Variants in ARFGAP3 observed in about 807,000 individuals in gnomAD.
ARFGAP3 encodes the protein ARF GTPase activating protein 3.
Under a neutral mutation model 75.0 loss-of-function variants are expected in ARFGAP3, and 72 were observed. The observed-to-expected ratio is 0.96, with a 90% confidence interval of 0.79 to 1.17. The LOEUF (loss-of-function observed/expected upper bound fraction) is 1.17. Ranked by LOEUF, ARFGAP3 falls within the 50% of genes most tolerant of loss-of-function variation. The pLI is 0.00. For synonymous variants in ARFGAP3, 221 were observed against 217.9 expected, an observed-to-expected ratio of 1.01 and a Z score of -0.13; for missense variants, 620 against 626.6, an observed-to-expected ratio of 0.99 and a Z score of 0.11.
rs141754146 is a variant in ARFGAP3, at chr22:42,810,755, A to T, written c.1196+58T>A. ...TTTTCATGTCATCATGTTATCAGCA[A>T]TTTTTTCCCAGAAATGCATGGATTC... On this transcript the variant is annotated intron_variant, in intron 12 of 15. Transcript: ENST00000263245. 9,387 of 1,498,892 alleles carry T rather than the reference A, an allele frequency of 6.3e-3. 44 individuals are homozygous for T. The highest frequency in any genetic ancestry group is 7.7e-3 in the Non-Finnish European group (8,398 of 1,089,506). 92.8% of individuals were successfully genotyped at this position (1,498,892 alleles called of 1,614,324 possible).
At chr22:42,844,954 C>T (rs1926947397) in intron 2 of ARFGAP3, among the ~76,000 whole-genome samples, 2 of 152,140 alleles carry the variant, frequency 1.3e-5, no homozygotes, top group South Asian at 4.1e-4. Flanking sequence ...CCAAACAGAT[C>T]CTGCTGTACT....
chr22:42,837,048 T>C (rs904512685), intron 3 of ARFGAP3, among the ~76,000 whole-genome samples: 23 of 152,004 alleles, frequency 1.5e-4, no homozygotes, highest in African/African-American at 5.6e-4. Context: ...CTTTCTGGAG[T>C]TTGGAGGGTG....
intron 14 of ARFGAP3, among the ~76,000 whole-genome samples, chr22:42,805,996 A>G (rs903524779): frequency 6.6e-6 from 1 of 152,202 alleles, no homozygotes; most frequent in Non-Finnish European, 1.5e-5. Flanking sequence ...ACCACAACCC[A>G]GAATGTCCGA....
In ARFGAP3 at chr22:42,835,526, G is replaced by A. The variant is rs150744574; in HGVS notation, c.262-33C>T. The A allele has an allele frequency of 8.1e-6, 13 of 1,609,066 alleles. 1 individual carries two copies. The highest frequency in any genetic ancestry group is 7.7e-5 in the South Asian group (7 of 90,864). Reference sequence around the variant, plus strand: ...GAAAAGCATGCACATTAATATTTTCGTAAAACTACGTATGGCCAGGCGCAG... The same window carrying A: ...GAAAAGCATGCACATTAATATTTTCATAAAACTACGTATGGCCAGGCGCAG... On this transcript the variant is annotated intron_variant, in intron 3 of 15. Coordinates refer to ENST00000263245, the MANE Select transcript of ARFGAP3 (RefSeq NM_014570.5).
chr22:42,834,142 G>A, intron 5 of ARFGAP3, 100 bp downstream of exon 5: 1 of 1,106,300 alleles, frequency 9.0e-7, no homozygotes, highest in Non-Finnish European at 1.3e-6. Flanking sequence ...AGCACTTCTT[G>A]TTACAAGAGC....
Position 42,831,228 on chromosome 22 carries a change from A to C in ARFGAP3, c.565+321T>G, listed in dbSNP as rs545718872. Among the ~76,000 whole-genome samples, 20 of 149,226 alleles carry C rather than the reference A, an allele frequency of 1.3e-4. No individual in the cohort carries two copies. The East Asian group carries it at 3.3e-3, about 25-fold the overall frequency. The stretch of plus-strand genomic sequence containing the variant: ...CTTGAACCCAGGAGGCGGAGGTTGC[A>C]GTGAGCCGAGATCACACCATCGCAC... On this transcript the variant is annotated intron_variant, in intron 6 of 15. Transcript: ENST00000263245.
At chr22:42,851,160 T>C (rs1225269246) in intron 1 of ARFGAP3, among the ~76,000 whole-genome samples, 1 of 152,182 alleles carries the variant, frequency 6.6e-6, no homozygotes, top group Non-Finnish European at 1.5e-5. Context: ...CATACCAGCG[T>C]GGTTCAGGAA....
Position 42,810,697 on chromosome 22 carries a change from G to T in ARFGAP3, c.1196+116C>A, listed in dbSNP as rs1925327632. ...GCCTCTTAAAGTGCTGGGATTATGG[G>T]AATGAGCCGCCGTGCCCAGCCCCTT... On this transcript the variant is annotated intron_variant, in intron 12 of 15. Coordinates refer to ENST00000263245, the MANE Select transcript of ARFGAP3 (RefSeq NM_014570.5). 8 of 857,186 alleles carry T rather than the reference G, an allele frequency of 9.3e-6. No homozygotes were observed. The South Asian group carries it at 1.3e-4, about 14-fold the overall frequency. The allele number at this position is 857,186 out of a possible 1,614,324, so 53.1% of individuals were successfully genotyped here. A position where few individuals can be genotyped will look rare whatever the true frequency, so the allele number is the denominator to read the frequency against.
At chr22:42,820,280 A>C (rs1925754900) in intron 9 of ARFGAP3, among the ~76,000 whole-genome samples, 1 of 152,232 alleles carries the variant, frequency 6.6e-6, no homozygotes, top group East Asian at 1.9e-4. Context: ...TTAGTAAGAG[A>C]AATTAAAGTC....
chr22:42,822,143 T>TA (rs1422872353), intron 9 of ARFGAP3, 127 bp downstream of exon 9: 1 of 781,266 alleles, frequency 1.3e-6, no homozygotes, highest in African/African-American at 1.8e-5. Flanking sequence ...TCAGTTTTCA[T>TA]AAAACTGAAT....
intron 2 of ARFGAP3, among the ~76,000 whole-genome samples, chr22:42,843,818 A>G (rs527792620): frequency 6.6e-6 from 1 of 152,316 alleles, no homozygotes; most frequent in African/African-American, 2.4e-5. Context: ...GCAGCCTGAA[A>G]CATGGAGATC....
chr22:42,825,025 C>T (rs1057294671), intron 7 of ARFGAP3, among the ~76,000 whole-genome samples: 4 of 152,334 alleles, frequency 2.6e-5, no homozygotes, highest in Middle Eastern at 6.8e-3. Context: ...TTCTTTTTTA[C>T]GGCTGCATAA....
chr22:42,842,304 CTTTTTT>C (rs58205841), intron 2 of ARFGAP3, among the ~76,000 whole-genome samples: 9 of 120,354 alleles, frequency 7.5e-5, no homozygotes, highest in East Asian at 2.5e-4. Context: ...CGTGCCTGGC[CTTTTTT>C]TTTTTTTTTT....
intron 1 of ARFGAP3, among the ~76,000 whole-genome samples, chr22:42,850,159 C>A (rs1006053861): frequency 3.3e-5 from 5 of 151,984 alleles, no homozygotes; most frequent in Non-Finnish European, 7.4e-5. Context: ...GTGCTGGGCC[C>A]ATAAAATACA....
intron 6 of ARFGAP3, among the ~76,000 whole-genome samples, chr22:42,830,135 T>C (rs1926220510): frequency 6.6e-6 from 1 of 152,192 alleles, no homozygotes; most frequent in Non-Finnish European, 1.5e-5. Context: ...CTTATTTTTT[T>C]TAGAGTCCGG....
At position 42,810,850 on chromosome 22, in the gene ARFGAP3, T is replaced by C; in HGVS notation, c.1159A>G (p.Thr387Ala). The change falls in exon 12 of 16, where the codon ACT becomes GCT. Residue 387 changes from threonine to alanine, a missense_variant. Transcript: ENST00000263245. ...SYWKKETSKD[T>A]ETVLKTTGYS... Reference sequence around the variant, plus strand: ...CCTGTGGTTTTCAGAACTGTTTCAGTATCTTTGCTGGTCTCTTTTTTCCAA... The same window carrying C: ...CCTGTGGTTTTCAGAACTGTTTCAGCATCTTTGCTGGTCTCTTTTTTCCAA... The C allele has an allele frequency of 6.2e-7, 1 of 1,614,264 alleles. No individual in the cohort carries two copies. The highest frequency in any genetic ancestry group is 8.5e-7 in the Non-Finnish European group (1 of 1,180,050).
chr22:42,828,014 G>A (rs1926116786), intron 6 of ARFGAP3, among the ~76,000 whole-genome samples: 1 of 152,164 alleles, frequency 6.6e-6, no homozygotes, highest in Non-Finnish European at 1.5e-5. Context: ...TGGGCTTGTG[G>A]TGGCTTATGC....
At position 42,844,007 on chromosome 22, in the gene ARFGAP3, T is replaced by C. The variant is rs549639466; in HGVS notation, c.189-2991A>G. 3.9e-4 allele frequency among the ~76,000 whole-genome samples: 60 copies of C among 152,328 alleles called. No homozygotes were observed. The South Asian group carries it at 0.012, about 30-fold the overall frequency. ...CTGTAAATTTGTTGACTTGAAATTC[T>C]AGTTAAAGAAAAAAAACTCCAGTTA... On this transcript the variant is annotated intron_variant, in intron 2 of 15. Coordinates refer to ENST00000263245, the MANE Select transcript of ARFGAP3 (RefSeq NM_014570.5).
At chr22:42,832,751 C>T (rs535720431) in intron 5 of ARFGAP3, among the ~76,000 whole-genome samples, 2 of 151,042 alleles carry the variant, frequency 1.3e-5, no homozygotes, top group African/African-American at 2.4e-5. Flanking sequence ...TTTAGGAGGC[C>T]GAAGCAGGTG....
Sources: allele counts gnomAD v4.1 joint callset (sites outside exome capture counted in the v4.1 genomes callset), GRCh38; gene constraint gnomAD v4.1.1; transcripts MANE v1.5; gene names NCBI Gene and HGNC (gene_info 2026-07-23, HGNC 2026-07-21).